Variants in OSBPL6 observed in about 807,000 individuals in gnomAD.
The protein encoded by OSBPL6 is oxysterol-binding protein-related protein 6.
In OSBPL6, 49 loss-of-function variants were observed where a neutral mutation model predicts 125.8. The observed-to-expected ratio is 0.39, with a 90% CI of 0.31 to 0.49. The LOEUF (loss-of-function observed/expected upper bound fraction) is 0.49. Ranked by LOEUF, OSBPL6 falls within the 20% of genes least tolerant of loss-of-function variation. OSBPL6 has a pLI of 0.88. For synonymous variants in OSBPL6, 394 were observed against 391.8 expected, an observed-to-expected ratio of 1.01 and a Z score of -0.07; for missense variants, 986 against 1,135.4, an observed-to-expected ratio of 0.87 and a Z score of 1.89.
intron 1 of OSBPL6, among the ~76,000 whole-genome samples, chr2:178,269,352 A>T (rs2092321696): frequency 6.6e-6 from 1 of 152,216 alleles, no homozygotes; most frequent in Admixed American, 6.5e-5. Flanking sequence ...ATTAATGTTT[A>T]TAAAGCTACT....
intron 15 of OSBPL6, among the ~76,000 whole-genome samples, chr2:178,375,621 C>T (rs1478195393): frequency 6.6e-6 from 1 of 152,006 alleles, no homozygotes; most frequent in East Asian, 1.9e-4. Flanking sequence ...CAGGATTTCT[C>T]CATGTTGGTC....
intron 2 of OSBPL6, among the ~76,000 whole-genome samples, chr2:178,286,902 T>C (rs1441568861): frequency 1.3e-5 from 2 of 152,100 alleles, no homozygotes; most frequent in African/African-American, 4.8e-5. Context: ...TCACAGTGAG[T>C]TGTAGTTACT....
At chr2:178,247,017 C>CTG (rs1491503197) in intron 1 of OSBPL6, among the ~76,000 whole-genome samples, 29 of 59,324 alleles carry the variant, frequency 4.9e-4, no homozygotes, top group Non-Finnish European at 8.5e-4. Context: ...CCCCTCCCCA[C>CTG]CCCCCCATGT....
At position 178,343,571 on chromosome 2, in the gene OSBPL6, A is replaced by G. The variant is rs555934257; in HGVS notation, c.987+3807A>G. On this transcript the variant is annotated intron_variant, in intron 11 of 24. Coordinates refer to ENST00000190611, the MANE Select transcript of OSBPL6 (RefSeq NM_032523.4). ...GTTTGTGCATAGGTGCACATTACTA[A>G]ATGAAAACTATGCTTTCAGGTTTTC... Among the ~76,000 whole-genome samples, 3 of 152,210 alleles carry G rather than the reference A, an allele frequency of 2.0e-5. No individual in the cohort carries two copies. In the South Asian group the frequency reaches 6.2e-4, roughly 32 times the overall value.
intron 1 of OSBPL6, among the ~76,000 whole-genome samples, chr2:178,234,525 C>T (rs538484758): frequency 6.6e-6 from 1 of 152,234 alleles, no homozygotes; most frequent in Admixed American, 6.5e-5. Context: ...TTCACTGTTT[C>T]CCCCAAAGGT....
chr2:178,393,902 C>T (rs1412781634), intron 23 of OSBPL6, among the ~76,000 whole-genome samples: 1 of 152,188 alleles, frequency 6.6e-6, no homozygotes, highest in African/African-American at 2.4e-5. Context: ...TTACCATCCT[C>T]CATTCTATGG....
chr2:178,334,711 A>G (rs766205917), intron 8 of OSBPL6, among the ~76,000 whole-genome samples: 17 of 152,060 alleles, frequency 1.1e-4, no homozygotes, highest in Non-Finnish European at 1.8e-4. Context: ...TAGTAGAGAC[A>G]GGGTTTCGCC....
intron 13 of OSBPL6, among the ~76,000 whole-genome samples, chr2:178,362,403 A>G (rs2154098940): frequency 6.6e-6 from 1 of 152,316 alleles, no homozygotes; most frequent in South Asian, 2.1e-4. Context: ...ATGTATCTAT[A>G]TCAAAGTTGA....
intron 1 of OSBPL6, among the ~76,000 whole-genome samples, chr2:178,206,030 C>T (rs1190872890): frequency 6.6e-6 from 1 of 152,162 alleles, no homozygotes; most frequent in East Asian, 1.9e-4. Context: ...ACTACTTGAG[C>T]CTACCCAATA....
At chr2:178,292,080 T>A (rs972088968) in intron 2 of OSBPL6, among the ~76,000 whole-genome samples, 13 of 152,066 alleles carry the variant, frequency 8.5e-5, no homozygotes, top group Non-Finnish European at 1.3e-4. Context: ...TCATTTTTCC[T>A]GATCCTCTCC....
intron 13 of OSBPL6, among the ~76,000 whole-genome samples, chr2:178,364,638 A>G (rs1441820679): frequency 1.3e-5 from 2 of 152,184 alleles, no homozygotes; most frequent in African/African-American, 4.8e-5. Flanking sequence ...ATTGTCCCCA[A>G]GGTGGGACTA....
intron 1 of OSBPL6, among the ~76,000 whole-genome samples, chr2:178,271,405 C>T (rs2092372028): frequency 6.6e-6 from 1 of 152,070 alleles, no homozygotes; most frequent in Non-Finnish European, 1.5e-5. Flanking sequence ...TGAAATAATT[C>T]CCTCAAAGCA....
chr2:178,356,801 A>G (rs1374929175), intron 12 of OSBPL6, among the ~76,000 whole-genome samples: 1 of 152,246 alleles, frequency 6.6e-6, no homozygotes, highest in East Asian at 1.9e-4. Flanking sequence ...AGCAAAAAGA[A>G]CAAAGCTGGA....
At chr2:178,378,924 G>C (rs1694144117) in intron 15 of OSBPL6, among the ~76,000 whole-genome samples, 1 of 152,160 alleles carries the variant, frequency 6.6e-6, no homozygotes, top group Non-Finnish European at 1.5e-5. Context: ...CCAACACTTT[G>C]GGAGGCAGAG....
At chr2:178,274,358 C>A (rs1429385403) in intron 1 of OSBPL6, among the ~76,000 whole-genome samples, 1 of 150,436 alleles carries the variant, frequency 6.6e-6, no homozygotes, top group East Asian at 1.9e-4. Flanking sequence ...TGAGTCTTGG[C>A]TTTCAATAAA....
chr2:178,389,646 C>T (rs1372835134), intron 21 of OSBPL6, among the ~76,000 whole-genome samples: 1 of 152,182 alleles, frequency 6.6e-6, no homozygotes, highest in Non-Finnish European at 1.5e-5. Context: ...ATAAGTTCAA[C>T]AGGAAAAATT....
intron 1 of OSBPL6, among the ~76,000 whole-genome samples, chr2:178,240,541 C>G: frequency 6.6e-6 from 1 of 152,132 alleles, no homozygotes; most frequent in Admixed American, 6.5e-5. Context: ...GCACTGCATT[C>G]TGGGCGTCTC....
intron 19 of OSBPL6, among the ~76,000 whole-genome samples, chr2:178,386,811 A>G (rs1694976846): frequency 6.6e-6 from 1 of 151,620 alleles, no homozygotes; most frequent in Non-Finnish European, 1.5e-5. Context: ...TAAAGAGCAT[A>G]TGTTATAGAG....
chr2:178,282,436 T>C (rs1485827482), intron 1 of OSBPL6, among the ~76,000 whole-genome samples: 1 of 152,212 alleles, frequency 6.6e-6, no homozygotes, highest in Non-Finnish European at 1.5e-5. Context: ...CTGGTTTACC[T>C]TCCCACTTGT....
Sources: allele counts gnomAD v4.1 joint callset (sites outside exome capture counted in the v4.1 genomes callset), GRCh38; gene constraint gnomAD v4.1.1; transcripts MANE v1.5; gene names NCBI Gene and HGNC (gene_info 2026-07-23, HGNC 2026-07-21).